The following BTBD2 variants were observed in gnomAD, a reference collection of about 807,000 sequenced individuals.
The protein encoded by BTBD2 is BTB/POZ domain-containing protein 2.
In BTBD2, 15 loss-of-function variants were observed where a neutral mutation model predicts 44.0. That is an observed-to-expected ratio of 0.34 (90% CI 0.23 to 0.53). BTBD2 has a LOEUF of 0.53. Ranked by LOEUF, BTBD2 falls within the 20% of genes least tolerant of loss-of-function variation. The probability of loss-of-function intolerance (pLI) is 0.95; values close to 1 mark genes in which losing one functional copy is unlikely to be tolerated. For synonymous variants in BTBD2, 443 were observed against 335.9 expected, an observed-to-expected ratio of 1.32 and a Z score of -3.49; for missense variants, 657 against 746.4, an observed-to-expected ratio of 0.88 and a Z score of 1.39.
intron 2 of BTBD2, 40 bp downstream of exon 2, chr19:1,997,304 C>G: frequency 6.2e-7 from 1 of 1,613,034 alleles, no homozygotes; most frequent in South Asian, 1.1e-5. Flanking sequence ...TCCCCCTCCC[C>G]AGGCCCAGCT....
In BTBD2 at chr19:2,015,321, C is replaced by T; in HGVS notation, c.383G>A (p.Ser128Asn). The change falls in exon 1 of 9, where the codon AGC (serine) becomes AAC (asparagine). Residue 128 changes from serine (S) to asparagine (N), a missense_variant. Transcript: ENST00000255608. ...DVHFLVGKGL[S>N]SQRIPAHRFV... ...CCTGTGCGCGGGGATGCGCTGCGAG[C>T]TGAGCCCCTTGCCCACCAGGAAGTG... 2 of 1,574,180 alleles carry T rather than the reference C, an allele frequency of 1.3e-6. No homozygotes were observed. The highest frequency in any genetic ancestry group is 2.3e-5 in the South Asian group (2 of 88,092).
At chr19:1,995,770 G>A (rs904716131) in intron 2 of BTBD2, among the ~76,000 whole-genome samples, 21 of 151,484 alleles carry the variant, frequency 1.4e-4, no homozygotes, top group African/African-American at 4.9e-4. Context: ...CCAAGTAGCT[G>A]CGACTACGGG....
At chr19:1,994,696 T>G (rs924426164) in intron 2 of BTBD2, among the ~76,000 whole-genome samples, 3 of 152,028 alleles carry the variant, frequency 2.0e-5, no homozygotes, top group Non-Finnish European at 4.4e-5. Context: ...GAGGCAGAGG[T>G]TGCAGTGAGC....
At position 1,987,229 on chromosome 19, in the gene BTBD2, G is replaced by A. The variant is rs752556906; in HGVS notation, c.1206C>T (p.Phe402=). 14 of 1,613,718 alleles carry A rather than the reference G, an allele frequency of 8.7e-6. No homozygotes were observed. The highest frequency in any genetic ancestry group is 1.6e-4 in the Middle Eastern group (1 of 6,080). The stretch of plus-strand genomic sequence containing the variant: ...ATCCATACAGCCCAAATCCCACCAC[G>A]AAGATGCGCTTGTTGACTGAGAACC... The part of the protein sequence containing the change: ...RIRFSVNKRI[F]VVGFGLYGSI... The change falls in exon 7 of 9, where the codon TTC becomes TTT. Residue 402 remains phenylalanine, a synonymous_variant. Transcript: ENST00000255608.
intron 6 of BTBD2, 110 bp from the exon 7 acceptor site, chr19:1,987,363 A>G (rs1182494783): frequency 7.7e-6 from 7 of 911,586 alleles, no homozygotes; most frequent in African/African-American, 2.9e-5. Context: ...TGAGTCCTCC[A>G]CCCCCATGCC....
At chr19:1,990,383 T>A (rs1256913127) in intron 4 of BTBD2, 182 bp from the exon 5 acceptor site, 4 of 675,376 alleles carry the variant, frequency 5.9e-6, no homozygotes, top group Non-Finnish European at 9.9e-6. Flanking sequence ...CCACGCCCCT[T>A]CATTTTCCTC....
chr19:1,991,030 G>A, intron 3 of BTBD2: 1 of 542,540 alleles, frequency 1.8e-6, no homozygotes, highest in Non-Finnish European at 3.3e-6. Context: ...GGGAGAGTTG[G>A]GGAGTTCCCT....
rs2016264460 is a variant in BTBD2 at position 1,997,337 on chromosome 19, G to A, written c.527+7C>T. ...GCTCCCCAGCAGGAAGCATCCGGAA[G>A]CATTACTTGAGCAGTGCGAGGAAGG... On this transcript the variant is annotated splice_region_variant and intron_variant, in intron 2 of 8. Coordinates refer to ENST00000255608, the MANE Select transcript of BTBD2 (RefSeq NM_017797.4). 1 of 1,614,108 alleles carries A rather than the reference G, an allele frequency of 6.2e-7. No individual in the cohort carries two copies. Among genetic ancestry groups the A allele is most frequent in the Non-Finnish European group, 8.5e-7 (1 of 1,180,002 alleles).
chr19:1,987,161 G>A lies in BTBD2; in HGVS notation c.1269+5C>T. ...GGGCCTGGGGATGAGGCTTGGGGCT[G>A]GTACCTGGATGTTCACTTGGTAGTC... On this transcript the variant is annotated splice_donor_5th_base_variant and intron_variant, in intron 7 of 8. Transcript: ENST00000255608. 6.2e-7 allele frequency: 1 copy of A among 1,613,386 alleles called. No homozygotes were observed. The highest frequency in any genetic ancestry group is 2.2e-5 in the East Asian group (1 of 44,876).
chr19:1,996,757 C>T (rs183830951), intron 2 of BTBD2, among the ~76,000 whole-genome samples: 5 of 152,058 alleles, frequency 3.3e-5, no homozygotes, highest in Admixed American at 1.3e-4. Flanking sequence ...TGGTGGTGAA[C>T]ACCTGTAATC....
chr19:1,996,654 C>G (rs1202156957), intron 2 of BTBD2, among the ~76,000 whole-genome samples: 1 of 150,312 alleles, frequency 6.7e-6, no homozygotes, highest in Non-Finnish European at 1.5e-5. Context: ...GAGGCTGAGG[C>G]AGGCGGATCA....
intron 2 of BTBD2, among the ~76,000 whole-genome samples, chr19:1,994,701 G>A (rs990130820): frequency 6.6e-6 from 1 of 152,212 alleles, no homozygotes; most frequent in Non-Finnish European, 1.5e-5. Flanking sequence ...AGAGGTTGCA[G>A]TGAGCCAGGA....
chr19:1,995,686 G>T (rs1211579838), intron 2 of BTBD2, among the ~76,000 whole-genome samples: 1 of 149,982 alleles, frequency 6.7e-6, no homozygotes, highest in African/African-American at 2.5e-5. Flanking sequence ...GCCCAGGCTG[G>T]AGTGCAGTGG....
chr19:1,987,096 A>G lies in BTBD2; in HGVS notation c.1269+70T>C, dbSNP rs2016097225. 4.4e-6 allele frequency: 7 copies of G among 1,596,338 alleles called. No individual in the cohort carries two copies. The South Asian group carries it at 7.7e-5, about 18-fold the overall frequency. ...AGGGACCAGGGCCGGGGGTTCAGCC[A>G]GGGTTCCATGGAGGTGGAGAGAGGA... On this transcript the variant is annotated intron_variant, in intron 7 of 8. Transcript: ENST00000255608.
rs565219597 is a variant in BTBD2 at position 1,985,592 on chromosome 19, G to A, written c.*896C>T. On this transcript the variant is annotated 3_prime_UTR_variant, in exon 9 of 9. Coordinates refer to ENST00000255608, the MANE Select transcript of BTBD2 (RefSeq NM_017797.4). ...GGGTGGGTGGGGGCGTGGCCGGAGT[G>A]GGGAGGGGCTGTGCCCCCAGCACCT... 6.6e-6 allele frequency: 1 copy of A among 152,638 alleles called. No individual in the cohort carries two copies. The highest frequency in any genetic ancestry group is 2.4e-5 in the African/African-American group (1 of 41,574). The allele number at this position is 152,638 out of a possible 1,614,324, so 9.5% of individuals were successfully genotyped here.
chr19:1,989,834 CAG>C, intron 5 of BTBD2, 168 bp downstream of exon 5: 6 of 722,922 alleles, frequency 8.3e-6, no homozygotes. Flanking sequence ...CCGGGGCTAA[CAG>C]ATGGCCCTGT....
At chr19:1,988,432 G>A (rs1002626135) in intron 5 of BTBD2, 1 of 152,480 alleles carries the variant, frequency 6.6e-6, no homozygotes, top group African/African-American at 2.4e-5. Flanking sequence ...ATCAACCAAG[G>A]TGGGCTCAAC....
At chr19:2,008,107 C>T (rs1221288715) in intron 1 of BTBD2, among the ~76,000 whole-genome samples, 1 of 151,888 alleles carries the variant, frequency 6.6e-6, no homozygotes, top group African/African-American at 2.4e-5. Context: ...CAGGTTCAAG[C>T]AATTCTCCTG....
intron 1 of BTBD2, among the ~76,000 whole-genome samples, chr19:2,010,177 T>C (rs2016446637): frequency 6.6e-6 from 1 of 152,142 alleles, no homozygotes; most frequent in African/African-American, 2.4e-5. Context: ...GTATTTTAGA[T>C]ACTAACTTCA....
Sources: allele counts gnomAD v4.1 joint callset (sites outside exome capture counted in the v4.1 genomes callset), GRCh38; gene constraint gnomAD v4.1.1; transcripts MANE v1.5; gene names NCBI Gene and HGNC (gene_info 2026-07-23, HGNC 2026-07-21).